The following FARS2 variants were observed in gnomAD, a reference collection of about 807,000 sequenced individuals.
FARS2 encodes phenylalanyl-tRNA synthetase 2, mitochondrial.
FARS2 carries 40 observed loss-of-function variants against 46.4 expected under a neutral mutation model. The observed-to-expected ratio is 0.86, with a 90% CI of 0.67 to 1.12. The LOEUF (loss-of-function observed/expected upper bound fraction) is 1.12, where lower values mean the gene tolerates loss of function less well. Ranked by LOEUF, FARS2 falls within the 50% of genes most tolerant of loss-of-function variation. FARS2 has a pLI of 0.00. For synonymous variants in FARS2, 234 were observed against 214.9 expected (o/e 1.09, Z -0.78); for missense variants, 513 against 567.9 (o/e 0.90, Z 0.98).
At chr6:5,314,361 A>G (rs1769298254) in intron 1 of FARS2, among the ~76,000 whole-genome samples, 1 of 151,632 alleles carries the variant, frequency 6.6e-6, no homozygotes, top group Non-Finnish European at 1.5e-5. Context: ...GGTGGAGGAG[A>G]GGGATGAGTT....
chr6:5,475,069 G>A (rs1302567452), intron 4 of FARS2, among the ~76,000 whole-genome samples: 4 of 152,190 alleles, frequency 2.6e-5, no homozygotes, highest in African/African-American at 9.6e-5. Context: ...CATATACAAG[G>A]TGGAAATTGA....
intron 6 of FARS2, among the ~76,000 whole-genome samples, chr6:5,707,507 C>T (rs1339375871): frequency 6.6e-6 from 1 of 152,158 alleles, no homozygotes; most frequent in Non-Finnish European, 1.5e-5. Flanking sequence ...CACAGTCACC[C>T]AGAATACTCT....
intron 5 of FARS2, among the ~76,000 whole-genome samples, chr6:5,579,517 A>G (rs1188904531): frequency 1.3e-5 from 2 of 152,034 alleles, no homozygotes; most frequent in African/African-American, 4.8e-5. Flanking sequence ...CAGGTGATCC[A>G]CCTGCCTCAG....
intron 3 of FARS2, among the ~76,000 whole-genome samples, chr6:5,422,381 T>C (rs1762602964): frequency 1.3e-5 from 2 of 152,150 alleles, no homozygotes; most frequent in Non-Finnish European, 2.9e-5. Flanking sequence ...TCTCTCTCTT[T>C]TTTTTTTAAA....
intron 6 of FARS2, among the ~76,000 whole-genome samples, chr6:5,646,880 C>A (rs35149973): frequency 0.3 from 45,271 of 151,972 alleles, 8,355 homozygotes; most frequent in Non-Finnish European, 0.41. Flanking sequence ...TTGGTTGAAT[C>A]CATGGATATG....
chr6:5,732,724 G>A (rs1177702438), intron 6 of FARS2, among the ~76,000 whole-genome samples: 2 of 151,982 alleles, frequency 1.3e-5, no homozygotes, highest in African/African-American at 4.8e-5. Flanking sequence ...CCCCAGTCAC[G>A]AGCTCCTGGA....
At chr6:5,705,859 C>T (rs1758723681) in intron 6 of FARS2, among the ~76,000 whole-genome samples, 1 of 152,178 alleles carries the variant, frequency 6.6e-6, no homozygotes, top group Non-Finnish European at 1.5e-5. Flanking sequence ...AAAGCCACCC[C>T]TTCTTTTCCA....
chr6:5,426,793 T>TGGGG (rs1762880229), intron 3 of FARS2, among the ~76,000 whole-genome samples: 1 of 152,096 alleles, frequency 6.6e-6, no homozygotes, highest in African/African-American at 2.4e-5. Context: ...ACCCGACTAA[T>TGGGG]TTTTGTATTT....
chr6:5,730,972 C>T (rs1582845851), intron 6 of FARS2, among the ~76,000 whole-genome samples: 2 of 152,188 alleles, frequency 1.3e-5, no homozygotes, highest in Non-Finnish European at 2.9e-5. Context: ...AGCTGGGACA[C>T]AGACCCACAC....
intron 4 of FARS2, among the ~76,000 whole-genome samples, chr6:5,454,506 G>A (rs1395122212): frequency 6.6e-6 from 1 of 151,658 alleles, no homozygotes; most frequent in East Asian, 1.9e-4. Flanking sequence ...TACCATGCCC[G>A]GCTAATTTTT....
At chr6:5,621,564 T>C (rs1342123222) in intron 6 of FARS2, among the ~76,000 whole-genome samples, 2 of 152,210 alleles carry the variant, frequency 1.3e-5, no homozygotes, top group Non-Finnish European at 1.5e-5. Flanking sequence ...CATCCAGGGC[T>C]GCAGATTCAG....
intron 4 of FARS2, among the ~76,000 whole-genome samples, chr6:5,432,314 TAAAA>T (rs775731412): frequency 0.23 from 22,385 of 97,078 alleles, 2,832 homozygotes; most frequent in African/African-American, 0.28. Context: ...CACTCAGTCT[TAAAA>T]AAAAAAAAAA....
intron 6 of FARS2, among the ~76,000 whole-genome samples, chr6:5,693,135 A>G (rs918844468): frequency 7.2e-5 from 11 of 152,240 alleles, no homozygotes; most frequent in African/African-American, 1.2e-4. Flanking sequence ...TACTTTACAC[A>G]TAGCAAATCC....
chr6:5,557,715 A>C (rs1384444447), intron 5 of FARS2, among the ~76,000 whole-genome samples: 3 of 152,128 alleles, frequency 2.0e-5, no homozygotes, highest in Non-Finnish European at 4.4e-5. Flanking sequence ...CCTACAATCT[A>C]TCTTCTGCTG....
chr6:5,304,817 A>T (rs1221473155), intron 1 of FARS2, among the ~76,000 whole-genome samples: 2 of 152,222 alleles, frequency 1.3e-5, no homozygotes, highest in Non-Finnish European at 2.9e-5. Flanking sequence ...AAGCAAGGGT[A>T]TAGGTGTTTC....
At chr6:5,260,627 C>G (rs994395632), upstream of FARS2, 3 of 1,528,948 alleles carry the variant, frequency 2.0e-6, no homozygotes, top group Non-Finnish European at 2.6e-6. Flanking sequence ...CGCCCCCGGC[C>G]CCCGGTGCCC....
At chr6:5,649,495 AGGGTGCAGGCTGCTGG>A (rs1407860451) in intron 6 of FARS2, among the ~76,000 whole-genome samples, 1 of 152,210 alleles carries the variant, frequency 6.6e-6, no homozygotes, top group Non-Finnish European at 1.5e-5. Flanking sequence ...CCAGGAGCTG[AGGGTGCAGGCTGCTGG>A]GGGCTTCATT....
intron 5 of FARS2, among the ~76,000 whole-genome samples, chr6:5,546,398 C>T (rs189778040): frequency 6.6e-6 from 1 of 151,190 alleles, no homozygotes; most frequent in African/African-American, 2.4e-5. Context: ...TTACAGGCGC[C>T]CACCACTACG....
intron 6 of FARS2, among the ~76,000 whole-genome samples, chr6:5,616,109 C>T (rs920019598): frequency 6.7e-6 from 1 of 149,388 alleles, no homozygotes; most frequent in Admixed American, 6.7e-5. Context: ...TGTGTTTCTT[C>T]TCTTCACTTC....
Sources: allele counts gnomAD v4.1 joint callset (sites outside exome capture counted in the v4.1 genomes callset), GRCh38; gene constraint gnomAD v4.1.1; transcripts MANE v1.5; gene names NCBI Gene and HGNC (gene_info 2026-07-23, HGNC 2026-07-21).